Variants in EPHB2 observed in about 807,000 individuals in gnomAD.
EPHB2 encodes the protein ephrin type-B receptor 2.
EPHB2 carries 18 observed loss-of-function variants against 96.4 expected under a neutral mutation model. That is an observed-to-expected ratio of 0.19 (90% CI 0.13 to 0.28). The LOEUF is 0.28. EPHB2 is among the 10% of genes least tolerant of loss of function. The pLI, the probability that EPHB2 is intolerant of heterozygous loss-of-function variation, is 1.00. For missense variants in EPHB2, 989 were observed against 1,355.4 expected (o/e 0.73, Z 4.25); for synonymous variants, 506 against 534.1 (o/e 0.95, Z 0.72).
intron 5 of EPHB2, among the ~76,000 whole-genome samples, chr1:22,877,000 C>T (rs928563084): frequency 6.6e-6 from 1 of 152,210 alleles, no homozygotes; most frequent in Non-Finnish European, 1.5e-5. Flanking sequence ...CAGCTGAGTT[C>T]CCAGAGCTGG....
chr1:22,806,925 A>G (rs1314814634), intron 3 of EPHB2, among the ~76,000 whole-genome samples: 3 of 148,944 alleles, frequency 2.0e-5, no homozygotes, highest in Non-Finnish European at 3.0e-5. Context: ...CCCCAGAGAC[A>G]CACAGAGGTG....
At chr1:22,767,363 G>A (rs983416207) in intron 1 of EPHB2, among the ~76,000 whole-genome samples, 7 of 152,176 alleles carry the variant, frequency 4.6e-5, no homozygotes, top group Non-Finnish European at 7.3e-5. Flanking sequence ...AGGCTCCTTG[G>A]GATCATGAAA....
Position 22,906,718 on chromosome 1 carries a change from G to T in EPHB2, c.1897G>T (p.Gly633Cys), listed in dbSNP as rs201626283. 1.2e-5 allele frequency: 20 copies of T among 1,613,980 alleles called. No homozygotes were observed. The highest frequency in any genetic ancestry group is 2.7e-5 in the African/African-American group (2 of 74,910). The change falls in exon 11 of 16, where the codon GGC (glycine) becomes TGC (cysteine). Residue 633 changes from glycine (G) to cysteine (C), a missense_variant. Transcript: ENST00000374630. This position sits in a 1 kb window ranked among gnomAD's most constrained non-coding sequence, Gnocchi z 4.8. Reference protein sequence around the residue: ...IEQVIGAGEFGEVCSGHLKLP... With the variant: ...IEQVIGAGEFCEVCSGHLKLP... ...TGGTGTTTCTCTCTCAGGGGAGTTT[G>T]GCGAGGTCTGCAGTGGCCACCTGAA...
At position 22,784,430 on chromosome 1, in the gene EPHB2, G is replaced by T; in HGVS notation, c.165G>T (p.Thr55=). The change falls in exon 3 of 16, where the codon ACG becomes ACT. Residue 55 remains threonine (T), a synonymous_variant. Coordinates refer to ENST00000374630, the MANE Select transcript of EPHB2 (RefSeq NM_017449.5). This position sits in a 1 kb window ranked among gnomAD's most constrained non-coding sequence, Gnocchi z 5.1. ...GTGGCTACGATGAGAACATGAACAC[G>T]ATCCGCACGTACCAGGTGTGCAACG... ...EVSGYDENMN[T]IRTYQVCNVF... is the part of the protein sequence containing the mutation. 2 of 1,614,160 alleles carry T rather than the reference G, an allele frequency of 1.2e-6. No individual in the cohort carries two copies. Among genetic ancestry groups the T allele is most frequent in the Non-Finnish European group, 1.7e-6 (2 of 1,180,042 alleles).
At chr1:22,838,057 T>C (rs1645410137) in intron 3 of EPHB2, among the ~76,000 whole-genome samples, 1 of 152,162 alleles carries the variant, frequency 6.6e-6, no homozygotes, top group South Asian at 2.1e-4. Context: ...AGGAAAGAGA[T>C]GGAATCAAAC....
At chr1:22,880,699 T>G (rs1639010751) in intron 5 of EPHB2, among the ~76,000 whole-genome samples, 2 of 152,202 alleles carry the variant, frequency 1.3e-5, no homozygotes, top group African/African-American at 4.8e-5. Flanking sequence ...CGTGTGCACC[T>G]CGGAACTTCA....
intron 9 of EPHB2, among the ~76,000 whole-genome samples, chr1:22,901,389 T>C (rs1445038576): frequency 6.6e-6 from 1 of 152,212 alleles, no homozygotes; most frequent in Non-Finnish European, 1.5e-5. Context: ...TGATCCTGGC[T>C]TCAAACTCAC....
chr1:22,817,849 C>T (rs1645095726), intron 3 of EPHB2, among the ~76,000 whole-genome samples: 1 of 152,174 alleles, frequency 6.6e-6, no homozygotes, highest in African/African-American at 2.4e-5. Context: ...ATAGCCATAG[C>T]CAAAGATGGG....
rs1227435313 is a variant in EPHB2 at position 22,918,814 on chromosome 1, T to C, written c.*5244T>C. ...CCCCTCGGAGGCTAATCTCAGGAGGTTGGAACCACAGGGATTGCAATAATC... is the reference window on the plus strand; with the variant it reads ...CCCCTCGGAGGCTAATCTCAGGAGGCTGGAACCACAGGGATTGCAATAATC... On this transcript the variant is annotated 3_prime_UTR_variant, in exon 16 of 16. Coordinates refer to ENST00000374630, the MANE Select transcript of EPHB2 (RefSeq NM_017449.5). The surrounding 1 kb of genome is among the most constrained non-coding windows in gnomAD (Gnocchi z 4.2). 6.6e-6 allele frequency: 1 copy of C among 151,946 alleles called. No individual in the cohort carries two copies. Among genetic ancestry groups the C allele is most frequent in the East Asian group, 1.9e-4 (1 of 5,162 alleles). The allele number at this position is 151,946 out of a possible 1,614,324, so 9.4% of individuals were successfully genotyped here.
rs1639965599 is a variant in EPHB2, at chr1:22,907,819, C to A, written c.2137-134C>A. 23 of 1,085,256 alleles carry A rather than the reference C, an allele frequency of 2.1e-5. No individual in the cohort carries two copies. The South Asian group carries it at 2.7e-4, about 13-fold the overall frequency. The allele number at this position is 1,085,256 out of a possible 1,614,324, so 67.2% of individuals were successfully genotyped here. On this transcript the variant is annotated intron_variant, in intron 11 of 15. Transcript: ENST00000374630. ...GACGGGCCTCTCTGGGGTCCCAAAG[C>A]ATCTGAGTCCTTCCCCAGGGGAGCC...
intron 1 of EPHB2, among the ~76,000 whole-genome samples, chr1:22,742,942 A>G (rs561790413): frequency 1.4e-5 from 2 of 147,882 alleles, no homozygotes; most frequent in East Asian, 4.1e-4. Flanking sequence ...CTCAGGTTGG[A>G]GTGCAGTGGT....
intron 1 of EPHB2, among the ~76,000 whole-genome samples, chr1:22,711,710 C>T (rs1469600463): frequency 2.0e-5 from 3 of 151,966 alleles, no homozygotes; most frequent in Admixed American, 6.5e-5. Context: ...CGGGCACCCC[C>T]GCCGGCCACC....
chr1:22,910,725 C>A, intron 14 of EPHB2, 150 bp downstream of exon 14: 1 of 1,040,796 alleles, frequency 9.6e-7, no homozygotes, highest in Non-Finnish European at 1.4e-6. Context: ...ACCTGCCCTG[C>A]CTTAGGGGTG....
At chr1:22,746,815 AC>A (rs894435153) in intron 1 of EPHB2, among the ~76,000 whole-genome samples, 4 of 151,798 alleles carry the variant, frequency 2.6e-5, no homozygotes, top group African/African-American at 9.7e-5. Context: ...TGGGATTCAG[AC>A]CCCGCTCTGA....
At chr1:22,726,053 C>T (rs564932722) in intron 1 of EPHB2, among the ~76,000 whole-genome samples, 1 of 152,308 alleles carries the variant, frequency 6.6e-6, no homozygotes, top group East Asian at 1.9e-4. Context: ...CCTCCTTCAT[C>T]CATCCATCTG....
intron 3 of EPHB2, among the ~76,000 whole-genome samples, chr1:22,826,252 G>A (rs1321037976): frequency 2.6e-5 from 4 of 152,170 alleles, no homozygotes; most frequent in Non-Finnish European, 5.9e-5. Flanking sequence ...TTTAGAAAAA[G>A]GTGGGCGCAC....
intron 9 of EPHB2, among the ~76,000 whole-genome samples, chr1:22,898,366 C>T (rs1298369044): frequency 6.6e-6 from 1 of 152,022 alleles, no homozygotes; most frequent in Non-Finnish European, 1.5e-5. Flanking sequence ...GAGTGAGCTG[C>T]TCAGAGGTAT....
intron 1 of EPHB2, among the ~76,000 whole-genome samples, chr1:22,760,194 A>G (rs1181528977): frequency 6.6e-6 from 1 of 151,972 alleles, no homozygotes; most frequent in Non-Finnish European, 1.5e-5. Context: ...AGTTTGGTGG[A>G]GGTGGGGCAC....
rs139699422 is a variant in EPHB2 at position 22,772,507 on chromosome 1, G to A, written c.62-8914G>A. On this transcript the variant is annotated intron_variant, in intron 1 of 15. Transcript: ENST00000374630. ...GGGGGCCGAGGTAGAAAAACAACGTGCTGCTAGTTGGTAGATTTCACTTTA... is the reference window on the plus strand; with the variant it reads ...GGGGGCCGAGGTAGAAAAACAACGTACTGCTAGTTGGTAGATTTCACTTTA... 4.0e-3 allele frequency among the ~76,000 whole-genome samples: 617 copies of A among 152,358 alleles called. 7 individuals carry two copies. The highest frequency in any genetic ancestry group is 0.013 in the African/African-American group (560 of 41,572).
Sources: gnomAD v4.1 joint callset for allele counts (sites outside exome capture counted in the v4.1 genomes callset) on GRCh38, gnomAD v4.1.1 for gene constraint, Gnocchi (gnomAD v3.1) non-coding constraint, MANE v1.5 for transcripts, NCBI Gene and HGNC (gene_info 2026-07-23, HGNC 2026-07-21) for gene names.